NT5DC3: variants seen among roughly 807,000 people sequenced by gnomAD.
The protein encoded by NT5DC3 is 5'-nucleotidase domain containing 3, also known as 5'-nucleotidase domain-containing protein 3.
NT5DC3 carries 42 observed loss-of-function variants against 67.8 expected under a neutral mutation model. The observed-to-expected ratio is 0.62, with a 90% CI of 0.48 to 0.80. The LOEUF (loss-of-function observed/expected upper bound fraction) is 0.80. Among genes scored for constraint, NT5DC3 ranks in the 30% least tolerant of loss-of-function variants. The pLI is 0.00. For missense variants in NT5DC3, 570 were observed against 696.4 expected, an observed-to-expected ratio of 0.82 and a Z score of 2.04; for synonymous variants, 237 against 255.6, an observed-to-expected ratio of 0.93 and a Z score of 0.69.
the NT5DC3 span, chr12:103,763,448 G>A: frequency 6.3e-7 from 1 of 1,590,576 alleles, no homozygotes; most frequent in South Asian, 1.1e-5. Flanking sequence ...AGACGCTCCT[G>A]CTTTGGGGAT....
chr12:103,761,178 T>TATCA, the NT5DC3 span: 1 of 808,840 alleles, frequency 1.2e-6, no homozygotes, highest in Non-Finnish European at 2.0e-6. Context: ...CTGGGCTGCC[T>TATCA]ATCAGTGGAG....
At chr12:103,793,035 G>C (rs556511663) in intron 9 of NT5DC3, 129 bp downstream of exon 9, 27 of 714,308 alleles carry the variant, frequency 3.8e-5, no homozygotes, top group Admixed American at 5.3e-5. Context: ...TTGCTAGAAG[G>C]GTTAAAATTC....
intron 5 of NT5DC3, 118 bp from the exon 6 acceptor site, chr12:103,797,149 C>A (rs760918574): frequency 1.3e-5 from 14 of 1,074,754 alleles, no homozygotes; most frequent in Admixed American, 2.3e-5. Flanking sequence ...CCATCATCAA[C>A]ACAAAAAAGG....
At chr12:103,762,690 C>A in the NT5DC3 span, among the ~76,000 whole-genome samples, 3 of 152,192 alleles carry the variant, frequency 2.0e-5, no homozygotes, top group Non-Finnish European at 4.4e-5. Context: ...CCTGGAGGCA[C>A]ATTCACTAGG....
At chr12:103,757,143 C>T in the NT5DC3 span, among the ~76,000 whole-genome samples, 128 of 151,102 alleles carry the variant, frequency 8.5e-4, no homozygotes, top group Middle Eastern at 3.4e-3. Context: ...GGCTGGAGTA[C>T]AGTGGCATGA....
At chr12:103,840,424 C>CATCTCATCTCATCT (rs1566137849) in intron 1 of NT5DC3, among the ~76,000 whole-genome samples, 1 of 72,584 alleles carries the variant, frequency 1.4e-5, no homozygotes, top group African/African-American at 3.5e-5. Context: ...TCATCTCATT[C>CATCTCATCTCATCT]CATCCCATTC....
intron 4 of NT5DC3, among the ~76,000 whole-genome samples, chr12:103,800,897 T>C (rs1056019464): frequency 9.9e-5 from 15 of 152,168 alleles, no homozygotes; most frequent in Non-Finnish European, 4.4e-5. Flanking sequence ...CAGAGAACTA[T>C]AAAAGTGCCT....
the NT5DC3 span, among the ~76,000 whole-genome samples, chr12:103,764,574 G>GAACTT: frequency 6.6e-6 from 1 of 152,138 alleles, no homozygotes; most frequent in Non-Finnish European, 1.5e-5. Flanking sequence ...CATAGGAATA[G>GAACTT]AACTTAATTT....
At chr12:103,833,534 A>C (rs1032374190) in intron 1 of NT5DC3, among the ~76,000 whole-genome samples, 5 of 152,178 alleles carry the variant, frequency 3.3e-5, no homozygotes, top group Admixed American at 6.5e-5. Context: ...TCCTCACTAA[A>C]TACAGCACAT....
intron 1 of NT5DC3, among the ~76,000 whole-genome samples, chr12:103,833,782 G>T (rs928979307): frequency 6.6e-6 from 1 of 151,722 alleles, no homozygotes; most frequent in Admixed American, 6.6e-5. Flanking sequence ...TCTTGGAGGA[G>T]TAGGAAGGCT....
In NT5DC3 at chr12:103,777,904, C is replaced by T. The variant is rs1014307044; in HGVS notation, c.1572G>A (p.Gln524=). Residue 524 remains glutamine, a synonymous_variant, in exon 14 of 14, where the codon CAG becomes CAA. Transcript: ENST00000392876. Reference sequence around the variant, plus strand: ...TTTCTGACCAGGCGGGCAGTTCGTGCTGCAGTGGAGTCCTCCGGGGGTAGA... The same window carrying T: ...TTTCTGACCAGGCGGGCAGTTCGTGTTGCAGTGGAGTCCTCCGGGGGTAGA... ...HTFYPRRTPL[Q]HELPAWSERP... The T allele has an allele frequency of 1.2e-6, 2 of 1,614,196 alleles. No homozygotes were observed. Among genetic ancestry groups the T allele is most frequent in the Non-Finnish European group, 8.5e-7 (1 of 1,180,036 alleles).
At chr12:103,839,064 G>A (rs770276154) in intron 1 of NT5DC3, among the ~76,000 whole-genome samples, 2 of 152,204 alleles carry the variant, frequency 1.3e-5, no homozygotes, top group Non-Finnish European at 2.9e-5. Context: ...ACCTACATGT[G>A]AGAAAACTGT....
intron 1 of NT5DC3, among the ~76,000 whole-genome samples, chr12:103,817,790 AT>A (rs79880902): frequency 0.1 from 15,436 of 152,204 alleles, 1,123 homozygotes; most frequent in East Asian, 0.29. Flanking sequence ...TTTCAGGTGC[AT>A]TTTTTCCTAA....
At chr12:103,761,003 C>CTCCT in the NT5DC3 span, among the ~76,000 whole-genome samples, 1 of 48,824 alleles carries the variant, frequency 2.0e-5, no homozygotes, top group African/African-American at 1.2e-4. Flanking sequence ...ATGGGGTTTG[C>CTCCT]TACTTCCTGG....
At chr12:103,801,000 T>C (rs2139370296) in intron 4 of NT5DC3, among the ~76,000 whole-genome samples, 1 of 152,262 alleles carries the variant, frequency 6.6e-6, no homozygotes, top group South Asian at 2.1e-4. Context: ...CTAGTGTGGC[T>C]GTGAAAGGAA....
the NT5DC3 span, chr12:103,759,040 T>G: frequency 6.2e-7 from 1 of 1,603,406 alleles, no homozygotes; most frequent in South Asian, 1.1e-5. Context: ...GCCTAGGCCA[T>G]GAGAAGCAAT....
At chr12:103,772,301 A>G (rs1442746376), downstream of NT5DC3, 1 of 152,412 alleles carries the variant, frequency 6.6e-6, no homozygotes, top group Non-Finnish European at 1.5e-5. Flanking sequence ...CTGACAATAA[A>G]CCAGATGATA....
At chr12:103,832,839 A>T (rs1358369425) in intron 1 of NT5DC3, among the ~76,000 whole-genome samples, 1 of 152,220 alleles carries the variant, frequency 6.6e-6, no homozygotes, top group African/African-American at 2.4e-5. Context: ...GCACTGGGTC[A>T]CCAGAAGACA....
intron 9 of NT5DC3, among the ~76,000 whole-genome samples, chr12:103,791,847 T>A (rs1465425354): frequency 2.0e-5 from 3 of 152,208 alleles, no homozygotes; most frequent in African/African-American, 7.2e-5. Flanking sequence ...GTGTGCTCCT[T>A]ATGAGAATCT....
Sources: gnomAD v4.1 joint callset for allele counts (sites outside exome capture counted in the v4.1 genomes callset) on GRCh38, gnomAD v4.1.1 for gene constraint, MANE v1.5 for transcripts, NCBI Gene and HGNC (gene_info 2026-07-23, HGNC 2026-07-21) for gene names.